CTNNA3: variants seen among roughly 807,000 people sequenced by gnomAD.
CTNNA3 encodes the protein catenin alpha 3.
A neutral mutation model predicts 95.7 loss-of-function variants in CTNNA3; 76 were observed. The observed-to-expected ratio is 0.79, with a 90% CI of 0.66 to 0.96. The LOEUF is 0.96. CTNNA3 is among the 40% of genes least tolerant of loss of function. CTNNA3 has a pLI of 0.00. For missense variants in CTNNA3, 1,191 were observed against 1,089.8 expected, an observed-to-expected ratio of 1.09 and a Z score of -1.31; for synonymous variants, 431 against 374.4, an observed-to-expected ratio of 1.15 and a Z score of -1.74.
At position 67,539,650 on chromosome 10, in the gene CTNNA3, T is replaced by A. The variant is rs201480758; in HGVS notation, c.312A>T (p.Ser104=). 8 of 1,613,558 alleles carry A rather than the reference T, an allele frequency of 5.0e-6. No homozygotes were observed. The East Asian group carries it at 1.8e-4, about 36-fold the overall frequency. The change falls in exon 4 of 18, where the codon TCA becomes TCT. Residue 104 remains serine, a synonymous_variant. Coordinates refer to ENST00000433211, the MANE Select transcript of CTNNA3 (RefSeq NM_013266.4). ...VRKESEALKV[S]AERFTDDPCF... ...AGGGGTCATCTGTAAATCTCTCAGC[T>A]GATACTTTCAGAGCTTCACCTGAAA...
intron 7 of CTNNA3, among the ~76,000 whole-genome samples, chr10:66,788,532 C>T (rs1840838766): frequency 6.6e-6 from 1 of 152,130 alleles, no homozygotes; most frequent in South Asian, 2.1e-4. Flanking sequence ...TGTAATATTT[C>T]TTGCAGTGTG....
At chr10:66,063,626 C>T (rs1216265088) in intron 15 of CTNNA3, among the ~76,000 whole-genome samples, 1 of 151,794 alleles carries the variant, frequency 6.6e-6, no homozygotes, top group Non-Finnish European at 1.5e-5. Flanking sequence ...AGTAAGCTTA[C>T]TAAATCTAAA....
intron 7 of CTNNA3, among the ~76,000 whole-genome samples, chr10:66,959,946 G>A (rs1031535922): frequency 6.6e-6 from 1 of 152,024 alleles, no homozygotes; most frequent in East Asian, 1.9e-4. Context: ...AGCATGAGTT[G>A]GCAACACCTC....
intron 12 of CTNNA3, among the ~76,000 whole-genome samples, chr10:66,330,753 G>T (rs58604131): frequency 0.062 from 9,442 of 152,022 alleles, 430 homozygotes; most frequent in East Asian, 0.2. Flanking sequence ...ACTTTTTAAT[G>T]ATCACCATTC....
chr10:67,207,536 G>T (rs1419029419), intron 6 of CTNNA3, among the ~76,000 whole-genome samples: 1 of 152,106 alleles, frequency 6.6e-6, no homozygotes, highest in East Asian at 1.9e-4. Context: ...AATTGTAACA[G>T]AACTCAGGAT....
At chr10:66,445,065 G>C (rs959444820) in intron 11 of CTNNA3, among the ~76,000 whole-genome samples, 2 of 152,014 alleles carry the variant, frequency 1.3e-5, no homozygotes, top group Non-Finnish European at 2.9e-5. Flanking sequence ...AAGATCAAAA[G>C]AGACAAAGAA....
intron 9 of CTNNA3, among the ~76,000 whole-genome samples, chr10:66,694,409 CAAG>C (rs1259819431): frequency 2.6e-5 from 4 of 152,006 alleles, no homozygotes; most frequent in Non-Finnish European, 5.9e-5. Flanking sequence ...AAGACGAAAC[CAAG>C]AAGAAGTTGA....
chr10:67,403,047 T>A (rs1018358976), intron 5 of CTNNA3, among the ~76,000 whole-genome samples: 19 of 152,200 alleles, frequency 1.2e-4, no homozygotes, highest in Admixed American at 5.2e-4. Context: ...GGAATGGAGC[T>A]GCCAGGGAAA....
intron 11 of CTNNA3, among the ~76,000 whole-genome samples, chr10:66,461,531 C>T (rs1564985881): frequency 1.3e-5 from 2 of 151,744 alleles, no homozygotes; most frequent in African/African-American, 2.4e-5. Context: ...CGGATCCATC[C>T]CTGCTTCTTG....
intron 11 of CTNNA3, among the ~76,000 whole-genome samples, chr10:66,474,695 C>T (rs577981823): frequency 2.6e-5 from 4 of 152,072 alleles, no homozygotes; most frequent in African/African-American, 7.2e-5. Context: ...TCTCTGCATC[C>T]ATACCAGCAG....
At chr10:67,752,363 T>C (rs1176291774) in intron 1 of CTNNA3, among the ~76,000 whole-genome samples, 2 of 152,076 alleles carry the variant, frequency 1.3e-5, no homozygotes, top group Non-Finnish European at 2.9e-5. Flanking sequence ...CCACAGTCAA[T>C]ATCATACTAA....
At chr10:67,692,841 T>A (rs544182367) in intron 1 of CTNNA3, among the ~76,000 whole-genome samples, 1 of 151,824 alleles carries the variant, frequency 6.6e-6, no homozygotes, top group African/African-American at 2.4e-5. Context: ...TAGTTAAAAA[T>A]TGGGAACTTC....
intron 3 of CTNNA3, among the ~76,000 whole-genome samples, chr10:67,568,991 C>T (rs1353217799): frequency 2.0e-5 from 3 of 152,112 alleles, no homozygotes; most frequent in African/African-American, 7.2e-5. Flanking sequence ...CTTCAGGAGA[C>T]GCAGTTCGTT....
chr10:67,056,998 G>C (rs994596448), intron 7 of CTNNA3, among the ~76,000 whole-genome samples: 3 of 152,122 alleles, frequency 2.0e-5, no homozygotes. Flanking sequence ...GCTTAATTAA[G>C]TTCTCTAATT....
intron 3 of CTNNA3, among the ~76,000 whole-genome samples, chr10:67,575,671 T>A (rs1842118697): frequency 6.6e-6 from 1 of 152,214 alleles, no homozygotes; most frequent in South Asian, 2.1e-4. Context: ...CTTTGGATTC[T>A]AGTGGGCAGA....
intron 7 of CTNNA3, among the ~76,000 whole-genome samples, chr10:66,893,555 AC>A (rs1384007573): frequency 6.6e-6 from 1 of 151,110 alleles, no homozygotes; most frequent in South Asian, 2.1e-4. Context: ...AAAAAAAAAA[AC>A]CCATTTAATT....
chr10:66,611,092 G>A (rs1263428917), intron 10 of CTNNA3, among the ~76,000 whole-genome samples: 1 of 152,094 alleles, frequency 6.6e-6, no homozygotes, highest in Non-Finnish European at 1.5e-5. Flanking sequence ...CACTAAAACT[G>A]TGGATCTCAT....
intron 7 of CTNNA3, among the ~76,000 whole-genome samples, chr10:66,895,533 T>C (rs1053128251): frequency 2.0e-5 from 3 of 152,192 alleles, no homozygotes; most frequent in Admixed American, 6.5e-5. Context: ...AGCTTCTTTC[T>C]TTCTTTTATA....
chr10:66,630,756 T>C (rs1022741998), intron 9 of CTNNA3, among the ~76,000 whole-genome samples: 26 of 152,192 alleles, frequency 1.7e-4, no homozygotes, highest in Non-Finnish European at 3.7e-4. Context: ...TCTGCTTCCC[T>C]TGGTAGTAAT....
Sources: allele counts gnomAD v4.1 joint callset (sites outside exome capture counted in the v4.1 genomes callset), GRCh38; gene constraint gnomAD v4.1.1; transcripts MANE v1.5; gene names NCBI Gene and HGNC (gene_info 2026-07-23, HGNC 2026-07-21).